Variants in ABL1 observed in about 807,000 individuals in gnomAD.
ABL1 encodes the protein tyrosine-protein kinase ABL1.
Under a neutral mutation model 94.7 loss-of-function variants are expected in ABL1, and 11 were observed. The ratio of observed to expected loss-of-function variants is 0.12; its 90% CI spans 0.07 to 0.19. The LOEUF is 0.19. Among genes scored for constraint, ABL1 ranks in the 10% least tolerant of loss-of-function variants. ABL1 has a pLI of 1.00. For missense variants in ABL1, 1,082 were observed against 1,489.4 expected, an observed-to-expected ratio of 0.73 and a Z score of 4.50; for synonymous variants, 656 against 622.4, an observed-to-expected ratio of 1.05 and a Z score of -0.80.
rs1588283506 is a variant in ABL1 at position 130,884,844 on chromosome 9, A to G, written c.2554A>G (p.Thr852Ala). The change falls in exon 11 of 11, where the codon ACC becomes GCC. Residue 852 changes from threonine (T) to alanine (A), a missense_variant. Thr to Ala is a moderately conservative substitution (Grantham distance 58). Around this residue, in one of 7 missense-constraint regions of ABL1, gnomAD observed 780 missense variants for 835.8 expected, o/e 0.93. Coordinates refer to ENST00000318560, the MANE Select transcript of ABL1 (RefSeq NM_005157.6). The surrounding 1 kb of genome is among the most constrained non-coding windows in gnomAD (Gnocchi z 5.6). ...GACCCCTGCTGCAGCTGAGCCAGTG[A>G]CCCCCACCAGCAAAGCAGGCTCAGG... is the stretch of plus-strand genomic sequence containing the variant. ...LGTPAAAEPV[T>A]PTSKAGSGAP... 2 of 1,605,128 alleles carry G rather than the reference A, an allele frequency of 1.2e-6. No individual in the cohort carries two copies. Among genetic ancestry groups the G allele is most frequent in the Non-Finnish European group, 1.7e-6 (2 of 1,175,228 alleles).
At chr9:130,826,559 G>C (rs1374920614) in intron 1 of ABL1, among the ~76,000 whole-genome samples, 3 of 152,212 alleles carry the variant, frequency 2.0e-5, no homozygotes, top group Non-Finnish European at 2.9e-5. Context: ...TTCTGAGAGA[G>C]ACCTTGATTA....
In ABL1 at chr9:130,862,655, T is replaced by C; in HGVS notation, c.550-108T>C. On this transcript the variant is annotated intron_variant, in intron 3 of 10. Transcript: ENST00000318560. The surrounding 1 kb of genome is among the most constrained non-coding windows in gnomAD (Gnocchi z 5.5). Reference sequence around the variant, plus strand: ...TCTGTCCTGTGTGGAGAGCTCCTTATGTGAGATTTTGCTGTGTAGTGAATT... The same window carrying C: ...TCTGTCCTGTGTGGAGAGCTCCTTACGTGAGATTTTGCTGTGTAGTGAATT... The C allele has an allele frequency of 1.6e-6, 2 of 1,235,130 alleles. No homozygotes were observed. Among genetic ancestry groups the C allele is most frequent in the Non-Finnish European group, 2.2e-6 (2 of 890,950 alleles). The allele number at this position is 1,235,130 out of a possible 1,614,324, so 76.5% of individuals were successfully genotyped here.
intron 1 of ABL1, among the ~76,000 whole-genome samples, chr9:130,780,948 T>C (rs2251403): frequency 0.38 from 58,100 of 152,082 alleles, 11,373 homozygotes; most frequent in Middle Eastern, 0.5. Context: ...CCTGCCTGGT[T>C]CTAGCGACTC....
chr9:130,762,170 C>A, intron 1 of ABL1, among the ~76,000 whole-genome samples: 1 of 147,452 alleles, frequency 6.8e-6, no homozygotes. Context: ...TTCACAAGTA[C>A]AGAAAGAGAT....
rs1831274249 is a variant in ABL1, at chr9:130,872,704, A to G, written c.908-156A>G. ...CTGGCCATGTCCCTCCCACACGAGC[A>G]CAGTCTCAGGATGCAGGTGCTTGGG... On this transcript the variant is annotated intron_variant, in intron 5 of 10. Transcript: ENST00000318560. This position sits in a 1 kb window ranked among gnomAD's most constrained non-coding sequence, Gnocchi z 5.0. Among the ~76,000 whole-genome samples the G allele has an allele frequency of 6.6e-6, 1 of 152,194 alleles. No individual in the cohort carries two copies.
At chr9:130,754,400 C>T (rs1373800183) in intron 1 of ABL1, among the ~76,000 whole-genome samples, 1 of 142,768 alleles carries the variant, frequency 7.0e-6, no homozygotes, top group Admixed American at 7.2e-5. Context: ...CCCAGCTACT[C>T]GGGAGGCTGA....
intron 1 of ABL1, among the ~76,000 whole-genome samples, chr9:130,837,391 G>A (rs1381520703): frequency 6.6e-6 from 1 of 152,210 alleles, no homozygotes; most frequent in Non-Finnish European, 1.5e-5. Context: ...CTGGAGCAAA[G>A]TTTAGGTCAC....
intron 3 of ABL1, among the ~76,000 whole-genome samples, chr9:130,855,468 C>A (rs1396714475): frequency 6.6e-6 from 1 of 152,130 alleles, no homozygotes; most frequent in Non-Finnish European, 1.5e-5. Context: ...TAATAGATAA[C>A]CTTTCTTAGA....
At chr9:130,792,692 C>T (rs1380967681) in intron 1 of ABL1, among the ~76,000 whole-genome samples, 1 of 152,154 alleles carries the variant, frequency 6.6e-6, no homozygotes, top group Non-Finnish European at 1.5e-5. Context: ...CCACACTTGG[C>T]AAATTTGATC....
rs373419164 is a variant in ABL1 at position 130,884,033 on chromosome 9, G to A, written c.1743G>A (p.Glu581=). ...LLPRKERGPP[E]GGLNEDERLL... ...CTCGAAAAGAGCGAGGTCCCCCGGAGGGCGGCCTGAATGAAGATGAGCGCC... is the reference window on the plus strand; with the variant it reads ...CTCGAAAAGAGCGAGGTCCCCCGGAAGGCGGCCTGAATGAAGATGAGCGCC... Residue 581 remains glutamate (E), a synonymous_variant, in exon 11 of 11, where the codon GAG becomes GAA. Coordinates refer to ENST00000318560, the MANE Select transcript of ABL1 (RefSeq NM_005157.6). The surrounding 1 kb of genome is among the most constrained non-coding windows in gnomAD (Gnocchi z 5.6). 78 of 1,613,802 alleles carry A rather than the reference G, an allele frequency of 4.8e-5. No homozygotes were observed. The highest frequency in any genetic ancestry group is 6.5e-5 in the Non-Finnish European group (77 of 1,180,050).
chr9:130,781,478 T>C (rs1358220307), intron 1 of ABL1, among the ~76,000 whole-genome samples: 1 of 152,174 alleles, frequency 6.6e-6, no homozygotes, highest in Non-Finnish European at 1.5e-5. Context: ...TGCGTTTGGA[T>C]TTTCAGTGGA....
intron 3 of ABL1, among the ~76,000 whole-genome samples, chr9:130,857,172 T>C (rs1482612389): frequency 1.3e-5 from 2 of 152,232 alleles, no homozygotes; most frequent in Non-Finnish European, 2.9e-5. Flanking sequence ...GGTTTGAAAA[T>C]GCGTTGCACG....
intron 1 of ABL1, among the ~76,000 whole-genome samples, chr9:130,771,240 G>GTGTGTGTATGTATGTATGTATGTA (rs561434382): frequency 9.9e-5 from 15 of 151,806 alleles, no homozygotes; most frequent in African/African-American, 3.6e-4. Flanking sequence ...ATGTGTGTGT[G>GTGTGTGTATGTATGTATGTATGTA]TGTATGTATG....
intron 1 of ABL1, among the ~76,000 whole-genome samples, chr9:130,852,711 A>C (rs1045521228): frequency 1.3e-5 from 2 of 152,238 alleles, no homozygotes; most frequent in African/African-American, 4.8e-5. Context: ...CTTCAGGAAC[A>C]AATAACCTAT....
At chr9:130,771,394 G>T (rs1250111667) in intron 1 of ABL1, among the ~76,000 whole-genome samples, 1 of 152,038 alleles carries the variant, frequency 6.6e-6, no homozygotes, top group Non-Finnish European at 1.5e-5. Context: ...GTTTTTTTTA[G>T]GGAAGTAGGG....
rs779677715 is a variant in ABL1 at position 130,885,241 on chromosome 9, C to T, written c.2951C>T (p.Thr984Met). The T allele has an allele frequency of 1.8e-5, 29 of 1,613,758 alleles. No individual in the cohort carries two copies. In the East Asian group the frequency reaches 3.1e-4, roughly 17 times the overall value. Residue 984 changes from threonine (T) to methionine (M), a missense_variant, in exon 11 of 11, where the codon ACG (threonine) becomes ATG (methionine). Transcript: ENST00000318560. ...ATCAGCCCAGCCCCCGTTCCCTCCACGTTGCCATCAGCATCCTCGGCCCTG... is the reference window on the plus strand; with the variant it reads ...ATCAGCCCAGCCCCCGTTCCCTCCATGTTGCCATCAGCATCCTCGGCCCTG... ...TPISPAPVPS[T>M]LPSASSALAG...
At chr9:130,730,196 C>G (rs1831645744) in intron 1 of ABL1, among the ~76,000 whole-genome samples, 1 of 151,894 alleles carries the variant, frequency 6.6e-6, no homozygotes, top group Admixed American at 6.6e-5. Flanking sequence ...ACATGTGCCA[C>G]CAAACCCAGC....
intron 1 of ABL1, among the ~76,000 whole-genome samples, chr9:130,716,948 G>C (rs1315020392): frequency 6.6e-6 from 1 of 151,884 alleles, no homozygotes; most frequent in Non-Finnish European, 1.5e-5. Flanking sequence ...CTGTGATATA[G>C]AGATTGGTGG....
intron 3 of ABL1, among the ~76,000 whole-genome samples, chr9:130,860,640 G>A (rs1041206266): frequency 2.0e-5 from 3 of 152,154 alleles, no homozygotes; most frequent in Non-Finnish European, 4.4e-5. Flanking sequence ...CAGGCCACAC[G>A]GGCTCTTTGA....
Sources: allele counts gnomAD v4.1 joint callset (sites outside exome capture counted in the v4.1 genomes callset), GRCh38; gene constraint gnomAD v4.1.1; regional missense constraint gnomAD v4.1.1; non-coding constraint Gnocchi (gnomAD v3.1); transcripts MANE v1.5; gene names NCBI Gene and HGNC (gene_info 2026-07-23, HGNC 2026-07-21).